NUSAP1: variants seen among roughly 807,000 people sequenced by gnomAD.
NUSAP1 encodes the protein nucleolar and spindle associated protein 1, also known as nucleolar and spindle-associated protein 1.
A neutral mutation model predicts 52.8 loss-of-function variants in NUSAP1; 32 were observed. That is an observed-to-expected ratio of 0.61 (90% CI 0.46 to 0.81). The LOEUF (loss-of-function observed/expected upper bound fraction) is 0.81. Among genes scored for constraint, NUSAP1 ranks in the 40% least tolerant of loss-of-function variants. The pLI is 0.00. For missense variants in NUSAP1, 499 were observed against 522.3 expected (o/e 0.96, Z 0.43); for synonymous variants, 195 against 183.1 (o/e 1.06, Z -0.52).
chr15:41,375,809 C>G lies in NUSAP1; in HGVS notation c.1104C>G (p.Leu368=). 1 of 1,610,790 alleles carries G rather than the reference C, an allele frequency of 6.2e-7. No individual in the cohort carries two copies. The highest frequency in any genetic ancestry group is 8.5e-7 in the Non-Finnish European group (1 of 1,177,034). ...FDLKASLSRP[L]NYEPHKGKLK... is the part of the protein sequence containing the mutation. ...TTAAAGCAAGTTTGTCTCGTCCCCT[C>G]AACTATGAACCACACAAAGGTATGT... The change falls in exon 9 of 11, where the codon CTC becomes CTG. Residue 368 remains leucine, a synonymous_variant. Coordinates refer to ENST00000559596, the MANE Select transcript of NUSAP1 (RefSeq NM_016359.5).
At chr15:41,338,347 C>G (rs79232477) in intron 1 of NUSAP1, among the ~76,000 whole-genome samples, 4,185 of 152,230 alleles carry the variant, frequency 0.027, 88 homozygotes, top group Middle Eastern at 0.068. Context: ...GCATTTTCAA[C>G]AACACGGTCA....
chr15:41,367,793 G>A (rs964107042), intron 7 of NUSAP1, among the ~76,000 whole-genome samples: 8 of 152,130 alleles, frequency 5.3e-5, no homozygotes, highest in South Asian at 2.1e-4. Flanking sequence ...TCCTGACTGC[G>A]GGCAGATCTG....
chr15:41,338,674 C>T (rs915854332), intron 1 of NUSAP1, among the ~76,000 whole-genome samples: 9 of 152,124 alleles, frequency 5.9e-5, no homozygotes, highest in Admixed American at 3.3e-4. Flanking sequence ...AGAGACCAGG[C>T]GCCAGGCGCA....
intron 9 of NUSAP1, 56 bp from the exon 10 acceptor site, chr15:41,377,140 T>A: frequency 2.3e-6 from 2 of 883,848 alleles, no homozygotes; most frequent in Non-Finnish European, 3.5e-6. Context: ...GAGAATGAAG[T>A]TGGGAATATA....
chr15:41,354,259 C>T (rs2048879507), intron 4 of NUSAP1, among the ~76,000 whole-genome samples: 2 of 152,158 alleles, frequency 1.3e-5, no homozygotes, highest in Admixed American at 6.6e-5. Flanking sequence ...GTAATCCTAA[C>T]ACTTTGGGAG....
chr15:41,338,529 G>A (rs1184585608), intron 1 of NUSAP1, among the ~76,000 whole-genome samples: 1 of 152,086 alleles, frequency 6.6e-6, no homozygotes, highest in East Asian at 1.9e-4. Flanking sequence ...GCAAACCTGT[G>A]CCACAGCACT....
At chr15:41,375,136 G>A (rs1032116367) in intron 8 of NUSAP1, among the ~76,000 whole-genome samples, 2 of 149,546 alleles carry the variant, frequency 1.3e-5, no homozygotes, top group South Asian at 2.1e-4. Context: ...CAGCCTACTC[G>A]GCATGGGACT....
At chr15:41,354,343 A>G (rs1264971207) in intron 4 of NUSAP1, among the ~76,000 whole-genome samples, 2 of 152,096 alleles carry the variant, frequency 1.3e-5, no homozygotes, top group Non-Finnish European at 2.9e-5. Context: ...TGTCTCTACT[A>G]AAAATACAAA....
In NUSAP1 at chr15:41,358,254, T is replaced by C. The variant is rs540418508; in HGVS notation, c.656T>C (p.Leu219Pro). The C allele has an allele frequency of 2.6e-5, 35 of 1,365,252 alleles. No individual in the cohort carries two copies. The Admixed American group carries it at 5.6e-4, about 22-fold the overall frequency. The allele number at this position is 1,365,252 out of a possible 1,614,324, so 84.6% of individuals were successfully genotyped here. The change falls in exon 6 of 11, where the codon CTG becomes CCG. Residue 219 changes from leucine to proline, a missense_variant. Transcript: ENST00000559596. The stretch of plus-strand genomic sequence containing the variant: ...GAAGAACACAATTCCATGAATGAAC[T>C]GAAGGTATGTAGATAAAATTATGTT... ...HFEEHNSMNE[L>P]KQQPINKGGV... is the part of the protein sequence containing the mutation.
chr15:41,355,063 T>G (rs2048915558), intron 4 of NUSAP1, among the ~76,000 whole-genome samples: 1 of 151,518 alleles, frequency 6.6e-6, no homozygotes, highest in South Asian at 2.1e-4. Flanking sequence ...TTGCCCAGGC[T>G]CGTCTCAAAC....
At chr15:41,350,579 T>G (rs143310798) in intron 3 of NUSAP1, among the ~76,000 whole-genome samples, 3 of 152,180 alleles carry the variant, frequency 2.0e-5, no homozygotes, top group Non-Finnish European at 2.9e-5. Context: ...AGTGAGCTAC[T>G]AGGCAGAGGA....
chr15:41,347,378 T>G (rs1016243418), intron 2 of NUSAP1, among the ~76,000 whole-genome samples: 1 of 152,112 alleles, frequency 6.6e-6, no homozygotes, highest in Admixed American at 6.6e-5. Context: ...ATTAAATAGT[T>G]ATCAGACAAA....
chr15:41,377,698 C>CAAA (rs567198834), intron 10 of NUSAP1, among the ~76,000 whole-genome samples: 1 of 96,536 alleles, frequency 1.0e-5, no homozygotes, highest in African/African-American at 3.8e-5. Context: ...GGCGCCGTCT[C>CAAA]AAAAAAAAAA....
At chr15:41,347,711 G>T (rs1359978602) in intron 2 of NUSAP1, among the ~76,000 whole-genome samples, 1 of 151,890 alleles carries the variant, frequency 6.6e-6, no homozygotes, top group African/African-American at 2.4e-5. Flanking sequence ...CTACTCAAGA[G>T]GCTGAGGCAG....
chr15:41,349,560 G>C (rs541288447), intron 3 of NUSAP1, among the ~76,000 whole-genome samples: 1 of 152,208 alleles, frequency 6.6e-6, no homozygotes, highest in Non-Finnish European at 1.5e-5. Context: ...GTTTTTTGTT[G>C]TTTTTTCGTT....
chr15:41,374,510 G>C (rs1160338787), intron 8 of NUSAP1, among the ~76,000 whole-genome samples: 2 of 152,066 alleles, frequency 1.3e-5, no homozygotes, highest in Non-Finnish European at 2.9e-5. Flanking sequence ...GGGATCGCAG[G>C]AGATACAAAC....
intron 7 of NUSAP1, among the ~76,000 whole-genome samples, chr15:41,370,924 G>GA (rs1000054809): frequency 1.3e-5 from 2 of 151,962 alleles, no homozygotes; most frequent in African/African-American, 4.8e-5. Context: ...CCTGTCTCAA[G>GA]AAAAAACACT....
At chr15:41,358,089 C>T (rs1355046240) in intron 5 of NUSAP1, 60 bp from the exon 6 acceptor site, 1 of 741,258 alleles carries the variant, frequency 1.3e-6, no homozygotes, top group Non-Finnish European at 2.2e-6. Flanking sequence ...CAGAAAAACA[C>T]AGAGAAGATA....
At chr15:41,375,971 C>T (rs1014869257) in intron 9 of NUSAP1, 143 bp downstream of exon 9, 3 of 601,324 alleles carry the variant, frequency 5.0e-6, no homozygotes, top group Admixed American at 2.7e-5. Context: ...GATGCTGAGA[C>T]AGGAGAATCA....
Sources: allele counts gnomAD v4.1 joint callset (sites outside exome capture counted in the v4.1 genomes callset), GRCh38; gene constraint gnomAD v4.1.1; transcripts MANE v1.5; gene names NCBI Gene and HGNC (gene_info 2026-07-23, HGNC 2026-07-21).